Variants in ITGB6 observed in about 807,000 individuals in gnomAD.
ITGB6 encodes the protein integrin subunit beta 6.
ITGB6 carries 80 observed loss-of-function variants against 84.5 expected under a neutral mutation model. The ratio of observed to expected loss-of-function variants is 0.95; its 90% CI spans 0.79 to 1.14. ITGB6 has a LOEUF of 1.14. Among genes scored for constraint, ITGB6 ranks in the 50% most tolerant of loss-of-function variants. The pLI is 0.00. For synonymous variants in ITGB6, 383 were observed against 354.9 expected (o/e 1.08, Z -0.89); for missense variants, 1,006 against 968.0 (o/e 1.04, Z -0.52).
chr2:160,174,287 A>C (rs926580516), intron 4 of ITGB6, 148 bp from the exon 5 acceptor site: 6 of 627,942 alleles, frequency 9.6e-6, no homozygotes, highest in Non-Finnish European at 1.6e-5. Flanking sequence ...TCTCACTGTT[A>C]AGGTTGTTGA....
At chr2:160,103,115 AAAT>A (rs1263572697) in intron 14 of ITGB6, among the ~76,000 whole-genome samples, 1 of 152,198 alleles carries the variant, frequency 6.6e-6, no homozygotes, top group African/African-American at 2.4e-5. Flanking sequence ...TTCTAAGTTA[AAAT>A]CTTATACTTT....
chr2:160,117,164 C>A (rs1021519989), intron 12 of ITGB6, among the ~76,000 whole-genome samples: 2 of 152,040 alleles, frequency 1.3e-5, no homozygotes, highest in African/African-American at 4.8e-5. Context: ...CCAAGCGGAC[C>A]TAATAGACAT....
rs1235309637 is a variant in ITGB6, at chr2:160,121,325, C to T, written c.1981+2466G>A. ...ATGCACATTTAATTTAAATGTATAA[C>T]AACTCTCAGAAGTCCTGCAAAGAAA... On this transcript the variant is annotated intron_variant, in intron 12 of 14. Transcript: ENST00000283249. Among the ~76,000 whole-genome samples, 7 of 152,154 alleles carry T rather than the reference C, an allele frequency of 4.6e-5. No individual in the cohort carries two copies. The East Asian group carries it at 1.3e-3, about 29-fold the overall frequency.
chr2:160,142,127 G>T, intron 7 of ITGB6, 56 bp from the exon 8 acceptor site: 1 of 1,176,840 alleles, frequency 8.5e-7, no homozygotes, highest in Non-Finnish European at 1.2e-6. Context: ...ATTGAGAAAA[G>T]TGTGGGTTTG....
At chr2:160,105,273 C>T (rs1346727751) in intron 14 of ITGB6, among the ~76,000 whole-genome samples, 4 of 151,866 alleles carry the variant, frequency 2.6e-5, no homozygotes, top group South Asian at 4.2e-4. Flanking sequence ...ATGTTCGGGT[C>T]GCATGTTAGA....
intron 4 of ITGB6, among the ~76,000 whole-genome samples, chr2:160,186,559 A>G (rs1685906294): frequency 6.6e-6 from 1 of 152,214 alleles, no homozygotes; most frequent in Non-Finnish European, 1.5e-5. Flanking sequence ...CAGTGTGGCC[A>G]TTCCTCAAGG....
At chr2:160,162,395 C>T (rs1215759280) in intron 7 of ITGB6, among the ~76,000 whole-genome samples, 4 of 151,804 alleles carry the variant, frequency 2.6e-5, no homozygotes, top group Non-Finnish European at 5.9e-5. Context: ...TATACACACA[C>T]ACATATTTTT....
At chr2:160,136,179 A>C (rs1683705485) in intron 10 of ITGB6, among the ~76,000 whole-genome samples, 1 of 152,222 alleles carries the variant, frequency 6.6e-6, no homozygotes, top group African/African-American at 2.4e-5. Flanking sequence ...AACATCCAGA[A>C]TCTACAAAGA....
At chr2:160,164,123 C>T (rs947871217) in intron 7 of ITGB6, among the ~76,000 whole-genome samples, 5 of 152,164 alleles carry the variant, frequency 3.3e-5, no homozygotes, top group Admixed American at 3.3e-4. Flanking sequence ...TTCCAGAACA[C>T]AACTCTAAAA....
At chr2:160,175,348 G>T (rs1182552280) in intron 4 of ITGB6, among the ~76,000 whole-genome samples, 1 of 152,132 alleles carries the variant, frequency 6.6e-6, no homozygotes, top group Non-Finnish European at 1.5e-5. Flanking sequence ...AATACTTGCC[G>T]TGTTTTCTGA....
At position 160,199,979 on chromosome 2, in the gene ITGB6, T is replaced by C. The variant is rs1181754742; in HGVS notation, c.61+24A>G. The C allele has an allele frequency of 1.8e-5, 28 of 1,580,292 alleles. No individual in the cohort carries two copies. The Admixed American group carries it at 4.7e-4, about 27-fold the overall frequency. On this transcript the variant is annotated intron_variant, in intron 1 of 14. Transcript: ENST00000283249. ...TTTGTCAAGCATACCACGAAAGTAA[T>C]ATATCAGAGAACGCAGGTCTTACCT...
In ITGB6 at chr2:160,132,590, A is replaced by C. The variant is rs1204079155; in HGVS notation, c.1660+4844T>G. Among the ~76,000 whole-genome samples, 7 of 152,156 alleles carry C rather than the reference A, an allele frequency of 4.6e-5. No individual in the cohort carries two copies. In the East Asian group the frequency reaches 1.2e-3, roughly 25 times the overall value. ...GATTTGAATAGCTGTCTGCTTACAT[A>C]GTGTGAAGAACAGAGATATTGAAGC... is the stretch of plus-strand genomic sequence containing the variant. On this transcript the variant is annotated intron_variant, in intron 10 of 14. Transcript: ENST00000283249.
chr2:160,141,157 T>C (rs553966119), intron 8 of ITGB6, among the ~76,000 whole-genome samples: 1 of 152,300 alleles, frequency 6.6e-6, no homozygotes, highest in Admixed American at 6.5e-5. Flanking sequence ...CAGTAAATAG[T>C]AGAGCTTTAC....
At position 160,137,732 on chromosome 2, in the gene ITGB6, G is replaced by A. The variant is rs371228674; in HGVS notation, c.1362C>T (p.Cys454=). The A allele has an allele frequency of 3.3e-5, 54 of 1,614,040 alleles. 1 individual carries two copies. Among genetic ancestry groups the A allele is most frequent in the Admixed American group, 6.7e-5 (4 of 59,990 alleles). Residue 454 remains cysteine, a synonymous_variant, in exon 10 of 15, where the codon TGC becomes TGT. Coordinates refer to ENST00000283249, the MANE Select transcript of ITGB6 (RefSeq NM_000888.5). ...TCACTTCCACTTCTTTCTGACAGTC[G>A]CAGTTGCATTCTGGGCTGACAAGTA... The part of the protein sequence containing the change: ...LELLVSPECN[C]DCQKEVEVNS...
intron 7 of ITGB6, among the ~76,000 whole-genome samples, chr2:160,159,858 A>T (rs1183299822): frequency 6.6e-6 from 1 of 151,716 alleles, no homozygotes; most frequent in African/African-American, 2.4e-5. Context: ...CGATAACACT[A>T]TTAAAAGTTG....
chr2:160,121,920 C>G (rs1479494403), intron 12 of ITGB6, among the ~76,000 whole-genome samples: 4 of 146,618 alleles, frequency 2.7e-5, no homozygotes, highest in Non-Finnish European at 6.0e-5. Flanking sequence ...GAGTAAAATA[C>G]TCCCCAGGAG....
Position 160,176,766 on chromosome 2 carries a change from A to C in ITGB6, c.594-2627T>G, listed in dbSNP as rs187019638. 5.7e-3 allele frequency among the ~76,000 whole-genome samples: 866 copies of C among 152,364 alleles called. 9 individuals are homozygous for C. The highest frequency in any genetic ancestry group is 0.02 in the African/African-American group (813 of 41,592). ...AATAATGTTTTTTCCTGATTAAAATAATAAGGCAGGTTCATTGAAGAAAAT... is the reference window on the plus strand; with the variant it reads ...AATAATGTTTTTTCCTGATTAAAATCATAAGGCAGGTTCATTGAAGAAAAT... On this transcript the variant is annotated intron_variant, in intron 4 of 14. Transcript: ENST00000283249.
At chr2:160,118,056 T>C (rs1424859432) in intron 12 of ITGB6, among the ~76,000 whole-genome samples, 5 of 152,088 alleles carry the variant, frequency 3.3e-5, no homozygotes, top group African/African-American at 1.2e-4. Context: ...CAGGACCAGA[T>C]GGATTCACAG....
At chr2:160,132,395 G>C (rs1481643778) in intron 10 of ITGB6, among the ~76,000 whole-genome samples, 3 of 152,148 alleles carry the variant, frequency 2.0e-5, no homozygotes, top group African/African-American at 7.2e-5. Context: ...GAAATGAAAG[G>C]TAGGTACACT....
Sources: allele counts gnomAD v4.1 joint callset (sites outside exome capture counted in the v4.1 genomes callset), GRCh38; gene constraint gnomAD v4.1.1; transcripts MANE v1.5; gene names NCBI Gene and HGNC (gene_info 2026-07-23, HGNC 2026-07-21).